The following ZRANB3 variants were observed in gnomAD, a reference collection of about 807,000 sequenced individuals.
ZRANB3 encodes DNA annealing helicase and endonuclease ZRANB3.
ZRANB3 carries 125 observed loss-of-function variants against 133.8 expected under a neutral mutation model. The observed-to-expected ratio is 0.93, with a 90% CI of 0.81 to 1.08. ZRANB3 has a LOEUF of 1.08. Among genes scored for constraint, ZRANB3 ranks in the 50% least tolerant of loss-of-function variants. The pLI is 0.00. For missense variants in ZRANB3, 1,229 were observed against 1,275.5 expected (o/e 0.96, Z 0.56); for synonymous variants, 387 against 432.7 (o/e 0.89, Z 1.31).
chr2:135,271,347 G>A (rs1020626489), intron 10 of ZRANB3: 1 of 471,756 alleles, frequency 2.1e-6, no homozygotes, highest in Non-Finnish European at 4.4e-6. Context: ...TCCATAAAAA[G>A]TCCTGAGACA....
At chr2:135,494,920 A>C (rs1692595876) in intron 2 of ZRANB3, among the ~76,000 whole-genome samples, 1 of 152,228 alleles carries the variant, frequency 6.6e-6, no homozygotes, top group Non-Finnish European at 1.5e-5. Context: ...AACTGACAAA[A>C]TATATTAAAG....
At position 135,302,022 on chromosome 2, in the gene ZRANB3, T is replaced by TA. The variant is rs528768792; in HGVS notation, c.966+11466dup. ...ACAATATAATAATCAAATTATAATC[T>TA]ATGCTATTTCAAGTTCATTTACAAA... On this transcript the variant is annotated intron_variant, in intron 8 of 20. Coordinates refer to ENST00000264159, the MANE Select transcript of ZRANB3 (RefSeq NM_032143.4). 3.3e-5 allele frequency among the ~76,000 whole-genome samples: 5 copies of TA among 152,220 alleles called. No individual in the cohort carries two copies. The South Asian group carries it at 1.0e-3, about 32-fold the overall frequency.
chr2:135,252,700 A>G (rs1391783288), intron 12 of ZRANB3, among the ~76,000 whole-genome samples: 3 of 152,128 alleles, frequency 2.0e-5, no homozygotes, highest in Admixed American at 6.5e-5. Context: ...TTCTACCACC[A>G]CAATCTTTTG....
chr2:135,341,218 C>T lies in ZRANB3; in HGVS notation c.677+4332G>A, dbSNP rs774646477. Among the ~76,000 whole-genome samples the T allele has an allele frequency of 5.3e-5, 8 of 149,660 alleles. No individual in the cohort carries two copies. The South Asian group carries it at 6.2e-4, about 12-fold the overall frequency. ...TTCTTGTTGTTTCTTTTAGTAGAGA[C>T]GGGGTTTCATCATGTTAGCCAGGAT... On this transcript the variant is annotated intron_variant, in intron 6 of 20. Transcript: ENST00000264159.
In ZRANB3 at chr2:135,480,115, TG is replaced by T. The variant is rs796160260; in HGVS notation, c.161+24213del. On this transcript the variant is annotated intron_variant, in intron 2 of 20. Transcript: ENST00000264159. ...TGTCAGGCTAATTTTTTTTTTTTTTTGTATTTTTAGTAGAGATGGGGTTTCA... is the reference window on the plus strand; with the variant it reads ...TGTCAGGCTAATTTTTTTTTTTTTTTTATTTTTAGTAGAGATGGGGTTTCA... Among the ~76,000 whole-genome samples the T allele has an allele frequency of 1.7e-3, 257 of 148,622 alleles. 1 individual carries two copies. Among genetic ancestry groups the T allele is most frequent in the African/African-American group, 6.2e-3 (251 of 40,332 alleles).
intron 2 of ZRANB3, 51 bp downstream of exon 2, chr2:135,504,278 A>G: frequency 6.2e-7 from 1 of 1,605,494 alleles, no homozygotes. Context: ...TTTGTTTTTA[A>G]TACACTTTCC....
intron 2 of ZRANB3, among the ~76,000 whole-genome samples, chr2:135,466,362 G>A (rs1165307230): frequency 4.4e-5 from 5 of 113,484 alleles, no homozygotes; most frequent in Admixed American, 1.4e-4. Flanking sequence ...CAGCCTGGGC[G>A]ACAGAGTAAG....
intron 8 of ZRANB3, among the ~76,000 whole-genome samples, chr2:135,292,311 C>T (rs1328046875): frequency 1.3e-5 from 2 of 152,126 alleles, no homozygotes; most frequent in Non-Finnish European, 2.9e-5. Flanking sequence ...GATGGTATCT[C>T]ATTGTGGTTT....
intron 12 of ZRANB3, among the ~76,000 whole-genome samples, chr2:135,244,078 T>C (rs2105086388): frequency 6.6e-6 from 1 of 151,366 alleles, no homozygotes; most frequent in South Asian, 2.1e-4. Flanking sequence ...AATCTGTTTA[T>C]TTAATGACTT....
chr2:135,236,802 A>T (rs1380567684), intron 12 of ZRANB3, among the ~76,000 whole-genome samples: 1 of 152,248 alleles, frequency 6.6e-6, no homozygotes, highest in East Asian at 1.9e-4. Flanking sequence ...GATGGATTAA[A>T]GACTTACCAT....
chr2:135,237,353 C>T (rs1474182521), intron 12 of ZRANB3, among the ~76,000 whole-genome samples: 1 of 151,736 alleles, frequency 6.6e-6, no homozygotes, highest in Non-Finnish European at 1.5e-5. Flanking sequence ...GGACTGTAAA[C>T]TAGTTCAACC....
intron 2 of ZRANB3, among the ~76,000 whole-genome samples, chr2:135,409,729 A>G (rs944538403): frequency 5.3e-5 from 8 of 152,170 alleles, no homozygotes; most frequent in Middle Eastern, 3.2e-3. Flanking sequence ...GAAAACCCTA[A>G]AGATCCTTCC....
At chr2:135,406,061 T>C (rs1243348606) in intron 2 of ZRANB3, among the ~76,000 whole-genome samples, 1 of 151,458 alleles carries the variant, frequency 6.6e-6, no homozygotes, top group Non-Finnish European at 1.5e-5. Context: ...ACAACAAAAT[T>C]GATAGACCGC....
At chr2:135,311,808 T>G (rs1158366460) in intron 8 of ZRANB3, among the ~76,000 whole-genome samples, 1 of 152,068 alleles carries the variant, frequency 6.6e-6, no homozygotes, top group Non-Finnish European at 1.5e-5. Flanking sequence ...AGGAAAGCAA[T>G]AAAAAGGAAA....
chr2:135,354,680 C>A (rs1367528768), intron 3 of ZRANB3, among the ~76,000 whole-genome samples: 1 of 152,160 alleles, frequency 6.6e-6, no homozygotes, highest in Non-Finnish European at 1.5e-5. Context: ...GATTCAAAAT[C>A]TACATACTCT....
intron 2 of ZRANB3, among the ~76,000 whole-genome samples, chr2:135,402,942 T>G (rs778938744): frequency 1.4e-4 from 21 of 152,098 alleles, no homozygotes; most frequent in Non-Finnish European, 2.5e-4. Context: ...TAGGCCATTC[T>G]TCCACTGCTA....
intron 3 of ZRANB3, among the ~76,000 whole-genome samples, chr2:135,383,374 T>TA (rs543023331): frequency 1.2e-3 from 184 of 152,240 alleles, no homozygotes; most frequent in African/African-American, 3.3e-3. Flanking sequence ...AAATGAGACT[T>TA]AGACTCCTAT....
At chr2:135,379,958 G>A (rs1558955716) in intron 3 of ZRANB3, among the ~76,000 whole-genome samples, 1 of 152,100 alleles carries the variant, frequency 6.6e-6, no homozygotes, top group African/African-American at 2.4e-5. Flanking sequence ...ATAAAGGGAT[G>A]GAGGAAGATC....
chr2:135,266,686 A>G (rs543139588), intron 11 of ZRANB3, among the ~76,000 whole-genome samples: 2 of 151,912 alleles, frequency 1.3e-5, no homozygotes, highest in Admixed American at 1.3e-4. Context: ...AATCGCTTGA[A>G]CCCAGGAGGC....
Sources: gnomAD v4.1 joint callset for allele counts (sites outside exome capture counted in the v4.1 genomes callset) on GRCh38, gnomAD v4.1.1 for gene constraint, MANE v1.5 for transcripts, NCBI Gene and HGNC (gene_info 2026-07-23, HGNC 2026-07-21) for gene names.